NAV2: variants seen among roughly 807,000 people sequenced by gnomAD.
NAV2 encodes neuron navigator 2, also known as helicase, APC down-regulated 1.
NAV2 carries 54 observed loss-of-function variants against 223.2 expected under a neutral mutation model. That is an observed-to-expected ratio of 0.24 (90% CI 0.19 to 0.30). NAV2 has a LOEUF of 0.30. Among genes scored for constraint, NAV2 ranks in the 10% least tolerant of loss-of-function variants. NAV2 has a pLI of 1.00. For synonymous variants in NAV2, 1,279 were observed against 1,239.3 expected, an observed-to-expected ratio of 1.03 and a Z score of -0.67; for missense variants, 2,806 against 3,147.5, an observed-to-expected ratio of 0.89 and a Z score of 2.60.
chr11:19,981,416 G>T (rs1460695257), intron 10 of NAV2: 2 of 152,192 alleles, frequency 1.3e-5, no homozygotes, highest in Non-Finnish European at 2.9e-5. Context: ...GGAAGCCAGG[G>T]TTCTGTACAT....
At chr11:19,801,677 C>G (rs2152772020) in intron 1 of NAV2, among the ~76,000 whole-genome samples, 1 of 152,306 alleles carries the variant, frequency 6.6e-6, no homozygotes, top group South Asian at 2.1e-4. Context: ...CCCCCATCTT[C>G]TGGAGGCACA....
At position 19,729,402 on chromosome 11, in the gene NAV2, G is replaced by A. The variant is rs181156221; in HGVS notation, c.267+15440G>A. 1.1e-4 allele frequency among the ~76,000 whole-genome samples: 16 copies of A among 152,288 alleles called. No homozygotes were observed. In the East Asian group the frequency reaches 3.1e-3, roughly 29 times the overall value. On this transcript the variant is annotated intron_variant, in intron 1 of 37. Transcript: ENST00000349880. ...CCATTGGCAGGAGATGCCAGGTTGG[G>A]TAGGCATCACACTGGGAATGTCAGC... is the stretch of plus-strand genomic sequence containing the variant.
chr11:19,627,773 T>C (rs2047212462), intron 1 of NAV2, among the ~76,000 whole-genome samples: 1 of 151,952 alleles, frequency 6.6e-6, no homozygotes, highest in South Asian at 2.1e-4. Flanking sequence ...ATGGATGAGA[T>C]GGGAGGGTTG....
rs564177454 is a variant in NAV2 at position 19,414,762 on chromosome 11, G to A, written c.75+63735G>A. ...AAGACAGTCTCTCAGATGACAGTGCGATCAAATTAGAACTCAGGATTAAGA... is the reference window on the plus strand; with the variant it reads ...AAGACAGTCTCTCAGATGACAGTGCAATCAAATTAGAACTCAGGATTAAGA... On this transcript the variant is annotated intron_variant, in intron 1 of 37. Coordinates refer to the NAV2 transcript ENST00000360655. 2.6e-4 allele frequency among the ~76,000 whole-genome samples: 40 copies of A among 152,190 alleles called. No homozygotes were observed. In the South Asian group the frequency reaches 7.7e-3, roughly 29 times the overall value.
At chr11:19,875,183 T>A (rs1295708542) in intron 4 of NAV2, among the ~76,000 whole-genome samples, 2 of 152,058 alleles carry the variant, frequency 1.3e-5, no homozygotes, top group African/African-American at 4.8e-5. Context: ...GATGCAAAAA[T>A]CTATATACAG....
chr11:20,037,975 CAG>C (rs138521927), intron 12 of NAV2, among the ~76,000 whole-genome samples: 135 of 148,378 alleles, frequency 9.1e-4, no homozygotes, highest in Non-Finnish European at 7.7e-4. Context: ...AGAGGTACTG[CAG>C]AGAGAGAGAG....
At chr11:19,437,928 T>C (rs1468460687) in intron 1 of NAV2, among the ~76,000 whole-genome samples, 1 of 152,228 alleles carries the variant, frequency 6.6e-6, no homozygotes, top group Non-Finnish European at 1.5e-5. Flanking sequence ...GAGTCATTGA[T>C]ATGTGTATTT....
chr11:19,463,216 G>A (rs1429198322), intron 1 of NAV2, among the ~76,000 whole-genome samples: 2 of 152,314 alleles, frequency 1.3e-5, no homozygotes, highest in East Asian at 3.9e-4. Flanking sequence ...GGTATTTAAT[G>A]GGTCCTAAAT....
intron 1 of NAV2, among the ~76,000 whole-genome samples, chr11:19,724,596 A>G (rs1360569015): frequency 6.6e-6 from 1 of 152,210 alleles, no homozygotes; most frequent in Admixed American, 6.5e-5. Flanking sequence ...CTCTTTGTGG[A>G]TGGTATAAGT....
At chr11:19,875,218 T>G (rs1221189419) in intron 4 of NAV2, among the ~76,000 whole-genome samples, 1 of 152,204 alleles carries the variant, frequency 6.6e-6, no homozygotes, top group African/African-American at 2.4e-5. Context: ...ACTGTAGGGT[T>G]ATGTCCTGAT....
At chr11:19,600,645 A>T (rs2135237439) in intron 1 of NAV2, among the ~76,000 whole-genome samples, 1 of 152,304 alleles carries the variant, frequency 6.6e-6, no homozygotes, top group East Asian at 1.9e-4. Flanking sequence ...CGGGTTTCTT[A>T]GCTTCCTTGA....
intron 1 of NAV2, among the ~76,000 whole-genome samples, chr11:19,490,808 A>G (rs1179803696): frequency 6.6e-6 from 1 of 152,232 alleles, no homozygotes; most frequent in Non-Finnish European, 1.5e-5. Context: ...TACTTTGCTC[A>G]GCTCCATATG....
chr11:19,643,949 C>T (rs574244002), intron 1 of NAV2, among the ~76,000 whole-genome samples: 73 of 152,308 alleles, frequency 4.8e-4, no homozygotes, highest in Non-Finnish European at 9.0e-4. Flanking sequence ...TATTTGAGCA[C>T]GTACATACCA....
chr11:19,477,173 GC>G (rs1273172486), intron 1 of NAV2, among the ~76,000 whole-genome samples: 1 of 152,128 alleles, frequency 6.6e-6, no homozygotes, highest in Non-Finnish European at 1.5e-5. Flanking sequence ...CAGCTCTCTA[GC>G]AAAGCTGACA....
At chr11:19,924,720 T>C (rs1317325351) in intron 6 of NAV2, among the ~76,000 whole-genome samples, 1 of 152,234 alleles carries the variant, frequency 6.6e-6, no homozygotes, top group Non-Finnish European at 1.5e-5. Context: ...TTCTAGTCAT[T>C]GAGTTCAGTT....
intron 1 of NAV2, among the ~76,000 whole-genome samples, chr11:19,801,946 T>C (rs567851165): frequency 1.3e-5 from 2 of 152,290 alleles, no homozygotes; most frequent in African/African-American, 4.8e-5. Flanking sequence ...ATTTTAATAA[T>C]TATCATTGCT....
chr11:19,872,213 G>A (rs1022735767), intron 4 of NAV2, among the ~76,000 whole-genome samples: 2 of 152,116 alleles, frequency 1.3e-5, no homozygotes, highest in Admixed American at 6.5e-5. Context: ...TACATTACAG[G>A]GATAGATTTA....
intron 1 of NAV2, among the ~76,000 whole-genome samples, chr11:19,616,218 A>G (rs1255591603): frequency 6.6e-6 from 1 of 151,872 alleles, no homozygotes; most frequent in African/African-American, 2.4e-5. Flanking sequence ...TCCAGGGCAC[A>G]CCATGCTGAG....
intron 11 of NAV2, among the ~76,000 whole-genome samples, chr11:20,034,646 T>C (rs988229783): frequency 1.3e-5 from 2 of 152,198 alleles, no homozygotes; most frequent in Non-Finnish European, 2.9e-5. Context: ...CTTCCCAAAG[T>C]GCTGGGATTA....
Sources: allele counts gnomAD v4.1 joint callset (sites outside exome capture counted in the v4.1 genomes callset), GRCh38; gene constraint gnomAD v4.1.1; transcripts MANE v1.5; gene names NCBI Gene and HGNC (gene_info 2026-07-23, HGNC 2026-07-21).